DENND1A: variants seen among roughly 807,000 people sequenced by gnomAD.
DENND1A encodes the protein DENN domain-containing protein 1A.
In DENND1A, 51 loss-of-function variants were observed where a neutral mutation model predicts 113.7. That is an observed-to-expected ratio of 0.45 (90% CI 0.36 to 0.57). The LOEUF (loss-of-function observed/expected upper bound fraction) is 0.57, where lower values mean the gene tolerates loss of function less well. DENND1A is among the 20% of genes least tolerant of loss of function. The pLI is 0.00. For missense variants in DENND1A, 1,258 were observed against 1,395.9 expected (o/e 0.90, Z 1.57); for synonymous variants, 565 against 570.8 (o/e 0.99, Z 0.14).
At chr9:123,638,977 T>C (rs117108666) in intron 9 of DENND1A, among the ~76,000 whole-genome samples, 1,382 of 130,056 alleles carry the variant, frequency 0.011, 10 homozygotes, top group Non-Finnish European at 0.014. Flanking sequence ...ATCTGTCAGG[T>C]ACCCACACAT....
intron 8 of DENND1A, among the ~76,000 whole-genome samples, chr9:123,658,854 T>C (rs973443908): frequency 3.3e-5 from 5 of 152,214 alleles, no homozygotes; most frequent in African/African-American, 1.2e-4. Context: ...ATTAATTATA[T>C]AACTTACACA....
At position 123,389,025 on chromosome 9, in the gene DENND1A, G is replaced by A. The variant is rs376694862; in HGVS notation, c.1632-1167C>T. Reference sequence around the variant, plus strand: ...CACCCCCCAGCCCCCAGCTAAAGCCGTCTCCCTTCTCTGCTCTGTATGCTA... The same window carrying A: ...CACCCCCCAGCCCCCAGCTAAAGCCATCTCCCTTCTCTGCTCTGTATGCTA... On this transcript the variant is annotated intron_variant, in intron 21 of 23. Coordinates refer to ENST00000394215, the MANE Select transcript of DENND1A (RefSeq NM_001352964.2). Among the ~76,000 whole-genome samples, 8 of 152,342 alleles carry A rather than the reference G, an allele frequency of 5.3e-5. No individual in the cohort carries two copies. The East Asian group carries it at 5.8e-4, about 11-fold the overall frequency.
intron 18 of DENND1A, among the ~76,000 whole-genome samples, chr9:123,444,883 C>T (rs1032437429): frequency 2.6e-5 from 4 of 152,192 alleles, no homozygotes; most frequent in African/African-American, 9.6e-5. Flanking sequence ...AAACCTGCTT[C>T]TTCCCGAAGG....
At chr9:123,712,122 T>C (rs59246521) in intron 5 of DENND1A, among the ~76,000 whole-genome samples, 20,325 of 152,198 alleles carry the variant, frequency 0.13, 1,611 homozygotes, top group African/African-American at 0.21. Flanking sequence ...TCTACATTTA[T>C]AAAATCTACA....
chr9:123,762,227 G>T (rs1348227088), intron 4 of DENND1A, among the ~76,000 whole-genome samples: 1 of 152,154 alleles, frequency 6.6e-6, no homozygotes, highest in Non-Finnish European at 1.5e-5. Flanking sequence ...TTTTCACTAA[G>T]CTAGGGAGAC....
chr9:123,393,477 G>A (rs189800292), intron 21 of DENND1A, among the ~76,000 whole-genome samples: 1 of 151,976 alleles, frequency 6.6e-6, no homozygotes, highest in African/African-American at 2.4e-5. Context: ...TGGGAGGATT[G>A]CTTCAGCCCA....
chr9:123,734,163 A>T (rs1381147576), intron 5 of DENND1A, among the ~76,000 whole-genome samples: 5 of 152,116 alleles, frequency 3.3e-5, no homozygotes, highest in African/African-American at 1.2e-4. Context: ...GTAGAGGCAG[A>T]GTCATTATTA....
chr9:123,740,203 CA>C (rs1397610716), intron 5 of DENND1A, among the ~76,000 whole-genome samples: 1 of 152,150 alleles, frequency 6.6e-6, no homozygotes, highest in Non-Finnish European at 1.5e-5. Flanking sequence ...AAATCCTGTG[CA>C]AAACAGAACT....
chr9:123,607,488 G>GACACACAC lies in DENND1A; in HGVS notation c.765+1940_765+1947dup, dbSNP rs10557656. Among the ~76,000 whole-genome samples the GACACACAC allele has an allele frequency of 7.0e-5, 5 of 71,062 alleles. No individual in the cohort carries two copies. In the East Asian group the frequency reaches 1.9e-3, roughly 27 times the overall value. 46.6% of individuals were successfully genotyped at this position (71,062 alleles called of 152,430 possible). A position where few individuals can be genotyped will look rare whatever the true frequency, so the allele number is the denominator to read the frequency against. ...AGAGAGAGAGAGACACAGAGAGAGA[G>GACACACAC]ACACACACACACACACACACACACA... On this transcript the variant is annotated intron_variant, in intron 11 of 23. Coordinates refer to ENST00000394215, the MANE Select transcript of DENND1A (RefSeq NM_001352964.2).
chr9:123,441,340 T>C (rs1202861420), intron 18 of DENND1A, among the ~76,000 whole-genome samples: 1 of 152,224 alleles, frequency 6.6e-6, no homozygotes, highest in Non-Finnish European at 1.5e-5. Flanking sequence ...GATGATGTTG[T>C]TGTTTGTGAA....
intron 8 of DENND1A, among the ~76,000 whole-genome samples, chr9:123,660,799 C>T (rs2063196771): frequency 1.3e-5 from 2 of 152,144 alleles, no homozygotes; most frequent in Non-Finnish European, 2.9e-5. Flanking sequence ...AGTAATGGAA[C>T]AAAGAGATCA....
chr9:123,423,366 C>T (rs189503930), intron 19 of DENND1A, among the ~76,000 whole-genome samples: 10 of 152,326 alleles, frequency 6.6e-5, no homozygotes, highest in Admixed American at 2.0e-4. Context: ...CAACCCATTA[C>T]GTCCTGCAAC....
intron 5 of DENND1A, among the ~76,000 whole-genome samples, chr9:123,737,931 C>T (rs2068693687): frequency 6.6e-6 from 1 of 152,136 alleles, no homozygotes; most frequent in Non-Finnish European, 1.5e-5. Flanking sequence ...ATACTGATAT[C>T]CTTCTGGGAA....
At chr9:123,678,184 T>A (rs991273932) in intron 5 of DENND1A, among the ~76,000 whole-genome samples, 2 of 152,172 alleles carry the variant, frequency 1.3e-5, no homozygotes, top group African/African-American at 4.8e-5. Context: ...ACAGACCACA[T>A]GCAAACAGAG....
chr9:123,651,833 TAAATG>T (rs370450532), intron 9 of DENND1A, among the ~76,000 whole-genome samples, 175 bp downstream of exon 9: 5 of 145,750 alleles, frequency 3.4e-5, no homozygotes, highest in African/African-American at 1.0e-4. Flanking sequence ...ACTACAGGAA[TAAATG>T]AAATGTGCAT....
At chr9:123,779,543 A>G (rs1016311983) in intron 3 of DENND1A, among the ~76,000 whole-genome samples, 2 of 152,188 alleles carry the variant, frequency 1.3e-5, no homozygotes, top group Non-Finnish European at 2.9e-5. Context: ...TGTGTTGCCC[A>G]TGCTGGAGGG....
intron 1 of DENND1A, among the ~76,000 whole-genome samples, chr9:123,884,976 A>C (rs1588082419): frequency 1.3e-5 from 2 of 148,246 alleles, no homozygotes; most frequent in Admixed American, 6.7e-5. Flanking sequence ...CCCATCTCCC[A>C]CCTGACCTGC....
At chr9:123,715,851 T>C (rs1241722003) in intron 5 of DENND1A, among the ~76,000 whole-genome samples, 1 of 152,136 alleles carries the variant, frequency 6.6e-6, no homozygotes, top group Non-Finnish European at 1.5e-5. Flanking sequence ...AATTTTTGTA[T>C]TTTTAATAGA....
chr9:123,748,824 A>G (rs1313561213), intron 5 of DENND1A, among the ~76,000 whole-genome samples: 1 of 152,158 alleles, frequency 6.6e-6, no homozygotes, highest in African/African-American at 2.4e-5. Flanking sequence ...TCTCCTGTAG[A>G]ATGCTTTTTC....
Sources: allele counts gnomAD v4.1 joint callset (sites outside exome capture counted in the v4.1 genomes callset), GRCh38; gene constraint gnomAD v4.1.1; transcripts MANE v1.5; gene names NCBI Gene and HGNC (gene_info 2026-07-23, HGNC 2026-07-21).